The following TBC1D22A variants were observed in gnomAD, a reference collection of about 807,000 sequenced individuals.
TBC1D22A encodes the protein putative GTPase activator.
A neutral mutation model predicts 60.2 loss-of-function variants in TBC1D22A; 38 were observed. The ratio of observed to expected loss-of-function variants is 0.63; its 90% CI spans 0.49 to 0.83. The LOEUF (loss-of-function observed/expected upper bound fraction) is 0.83. Ranked by LOEUF, TBC1D22A falls within the 40% of genes least tolerant of loss-of-function variation. The pLI is 0.00. For synonymous variants in TBC1D22A, 302 were observed against 281.7 expected (o/e 1.07, Z -0.72); for missense variants, 628 against 701.0 (o/e 0.90, Z 1.18).
At chr22:46,986,278 C>T (rs755086406) in intron 9 of TBC1D22A, among the ~76,000 whole-genome samples, 6 of 152,268 alleles carry the variant, frequency 3.9e-5, no homozygotes, top group Non-Finnish European at 7.3e-5. Context: ...CCAGTTCACA[C>T]TGTCTTCATT....
intron 12 of TBC1D22A, among the ~76,000 whole-genome samples, chr22:47,154,711 G>A (rs2067643400): frequency 6.6e-6 from 1 of 152,232 alleles, no homozygotes; most frequent in Non-Finnish European, 1.5e-5. Context: ...GAGTGATGGC[G>A]GCTGCTCTGG....
At chr22:46,885,833 C>G (rs914185769) in intron 5 of TBC1D22A, among the ~76,000 whole-genome samples, 1 of 152,054 alleles carries the variant, frequency 6.6e-6, no homozygotes, top group Non-Finnish European at 1.5e-5. Context: ...AATAATCACC[C>G]GGAAGGCACC....
At chr22:47,048,831 C>T (rs1047992981) in intron 11 of TBC1D22A, among the ~76,000 whole-genome samples, 3 of 152,166 alleles carry the variant, frequency 2.0e-5, no homozygotes, top group African/African-American at 7.2e-5. Flanking sequence ...GGGCCCTGCA[C>T]GGGACCCTTT....
intron 12 of TBC1D22A, among the ~76,000 whole-genome samples, chr22:47,164,578 T>C (rs1273765039): frequency 6.6e-6 from 1 of 151,930 alleles, no homozygotes; most frequent in African/African-American, 2.4e-5. Context: ...CCACAGAGGG[T>C]TCCTGGGCCT....
chr22:47,151,321 C>A (rs745319540), intron 12 of TBC1D22A, among the ~76,000 whole-genome samples: 2 of 152,214 alleles, frequency 1.3e-5, no homozygotes, highest in Non-Finnish European at 2.9e-5. Context: ...TCACGCAGAA[C>A]CGACCTTTCC....
rs1233249992 is a variant in TBC1D22A at position 47,049,342 on chromosome 22, G to GCA, written c.1329+12144_1329+12145insCA. On this transcript the variant is annotated intron_variant, in intron 11 of 12. Coordinates refer to ENST00000337137, the MANE Select transcript of TBC1D22A (RefSeq NM_014346.5). The stretch of plus-strand genomic sequence containing the variant: ...AGTGTGGGAAAGAAGAAGCGGGCAT[G>GCA]GGCGCTGGGTTCACGTCCACATCAG... Among the ~76,000 whole-genome samples, 642 of 152,356 alleles carry GCA rather than the reference G, an allele frequency of 4.2e-3. 5 individuals are homozygous for GCA. The highest frequency in any genetic ancestry group is 0.015 in the African/African-American group (620 of 41,588).
chr22:46,779,140 A>G (rs1231040875), intron 1 of TBC1D22A, among the ~76,000 whole-genome samples: 1 of 152,256 alleles, frequency 6.6e-6, no homozygotes, highest in African/African-American at 2.4e-5. Flanking sequence ...CGTACAGTAC[A>G]TAATGTATGT....
At chr22:46,905,587 C>T (rs552856749) in intron 7 of TBC1D22A, among the ~76,000 whole-genome samples, 3 of 152,294 alleles carry the variant, frequency 2.0e-5, no homozygotes, top group East Asian at 1.9e-4. Context: ...AGCCTGCGGT[C>T]GGTTGGCGGG....
At chr22:47,109,831 C>T (rs1177022570) in intron 11 of TBC1D22A, among the ~76,000 whole-genome samples, 1 of 152,060 alleles carries the variant, frequency 6.6e-6, no homozygotes, top group Non-Finnish European at 1.5e-5. Context: ...TGTCTTCCCA[C>T]AAGCTTGCCT....
chr22:46,883,671 C>G (rs1351396128), intron 5 of TBC1D22A, among the ~76,000 whole-genome samples: 2 of 152,230 alleles, frequency 1.3e-5, no homozygotes, highest in African/African-American at 4.8e-5. Context: ...GCTGCCTACA[C>G]CACGGCCTAG....
intron 9 of TBC1D22A, among the ~76,000 whole-genome samples, chr22:46,993,908 G>T (rs1354642036): frequency 1.3e-5 from 2 of 152,160 alleles, no homozygotes; most frequent in African/African-American, 4.8e-5. Context: ...GGCCCAGACC[G>T]ACCCCCCTGT....
chr22:46,843,043 C>T (rs959847919), intron 4 of TBC1D22A, among the ~76,000 whole-genome samples: 2 of 152,202 alleles, frequency 1.3e-5, no homozygotes, highest in African/African-American at 4.8e-5. Context: ...CTGTGCGTAC[C>T]TGAGGCAGTT....
At chr22:46,903,278 C>T (rs1206735400) in intron 7 of TBC1D22A, among the ~76,000 whole-genome samples, 1 of 152,136 alleles carries the variant, frequency 6.6e-6, no homozygotes, top group Non-Finnish European at 1.5e-5. Context: ...GAAGGGGCTC[C>T]CCTTCGAGAA....
At chr22:46,968,524 C>T (rs1264696079) in intron 8 of TBC1D22A, among the ~76,000 whole-genome samples, 2 of 150,410 alleles carry the variant, frequency 1.3e-5, no homozygotes, top group East Asian at 2.0e-4. Flanking sequence ...AGTGGGCAGG[C>T]GTCCTCACTG....
chr22:46,885,947 GC>G (rs1285349099), intron 5 of TBC1D22A, among the ~76,000 whole-genome samples: 1 of 144,424 alleles, frequency 6.9e-6, no homozygotes, highest in African/African-American at 2.7e-5. Context: ...TCACTCTGTC[GC>G]CCAGGCTGGA....
intron 12 of TBC1D22A, among the ~76,000 whole-genome samples, chr22:47,157,068 C>T (rs1042731218): frequency 6.6e-6 from 1 of 152,224 alleles, no homozygotes; most frequent in African/African-American, 2.4e-5. Context: ...CCCCGGTGTG[C>T]AGGTGATGCA....
At chr22:46,925,001 C>T (rs2070970607) in intron 8 of TBC1D22A, among the ~76,000 whole-genome samples, 1 of 152,174 alleles carries the variant, frequency 6.6e-6, no homozygotes, top group South Asian at 2.1e-4. Flanking sequence ...CATTCTTTTG[C>T]TTATTTCCAT....
chr22:46,882,277 A>G (rs131876), intron 5 of TBC1D22A, among the ~76,000 whole-genome samples: 111,458 of 152,070 alleles, frequency 0.73, 41,048 homozygotes, highest in Middle Eastern at 0.87. Flanking sequence ...CTAGGCAGGG[A>G]ATGGGAGGCG....
intron 8 of TBC1D22A, among the ~76,000 whole-genome samples, chr22:46,954,275 C>T (rs945349173): frequency 7.9e-5 from 12 of 152,188 alleles, no homozygotes; most frequent in Admixed American, 6.5e-4. Flanking sequence ...TGTGTTTTAC[C>T]TCTTAAATAG....
Sources: gnomAD v4.1 joint callset for allele counts (sites outside exome capture counted in the v4.1 genomes callset) on GRCh38, gnomAD v4.1.1 for gene constraint, MANE v1.5 for transcripts, NCBI Gene and HGNC (gene_info 2026-07-23, HGNC 2026-07-21) for gene names.